Variants in COL4A5 observed in about 807,000 individuals in gnomAD.
The protein encoded by COL4A5 is collagen alpha-5(IV) chain.
COL4A5 carries 26 observed loss-of-function variants against 130.2 expected under a neutral mutation model. That is an observed-to-expected ratio of 0.20 (90% CI 0.15 to 0.28). The LOEUF is 0.28. Ranked by LOEUF, COL4A5 falls within the 10% of genes least tolerant of loss-of-function variation. COL4A5 has a pLI of 1.00. For synonymous variants in COL4A5, 496 were observed against 439.6 expected (o/e 1.13, Z -1.60); for missense variants, 1,131 against 1,344.3 (o/e 0.84, Z 2.48).
chrX:108,526,959 G>A, intron 1 of COL4A5, among the ~76,000 whole-genome samples: 1 of 107,315 alleles, frequency 9.3e-6, no homozygotes, highest in Middle Eastern at 4.8e-3. Flanking sequence ...TGTAGAGATA[G>A]GGATCTCATC....
chrX:108,538,342 T>C (rs2065484769), intron 1 of COL4A5, among the ~76,000 whole-genome samples: 1 of 112,187 alleles, frequency 8.9e-6, no homozygotes, highest in African/African-American at 3.2e-5. Flanking sequence ...TAATAAATAA[T>C]AGCGGCATAG....
chrX:108,510,487 T>C (rs1000875454), intron 1 of COL4A5, among the ~76,000 whole-genome samples: 1 of 110,663 alleles, frequency 9.0e-6, no homozygotes, highest in African/African-American at 3.3e-5. Context: ...ATTGTGCTTT[T>C]TAAGGCCAGA....
At chrX:108,557,318 T>A (rs2065836631) in intron 2 of COL4A5, among the ~76,000 whole-genome samples, 1 of 111,941 alleles carries the variant, frequency 8.9e-6, no homozygotes, top group Non-Finnish European at 1.9e-5. Flanking sequence ...AATTTCTTCC[T>A]CTTGTTTTAT....
chrX:108,564,277 C>T (rs1677064551), intron 4 of COL4A5, among the ~76,000 whole-genome samples: 1 of 111,634 alleles, frequency 9.0e-6, no homozygotes, highest in Admixed American at 9.5e-5. Flanking sequence ...GTGATTATCT[C>T]AGCCTAGGTC....
chrX:108,697,074 A>C lies in COL4A5; in HGVS notation c.*696A>C, dbSNP rs2068747546. On this transcript the variant is annotated 3_prime_UTR_variant, in exon 53 of 53. Transcript: ENST00000328300. ...TGTTTTGATTTTTTTTAAAAAACAA[A>C]CCCTTTTAGTCACTTTAATCAGAAT... The C allele has an allele frequency of 9.0e-6, 1 of 111,476 alleles. No individual in the cohort carries two copies. Among genetic ancestry groups the C allele is most frequent in the Admixed American group, 9.6e-5 (1 of 10,441 alleles). 9.2% of individuals were successfully genotyped at this position (111,476 alleles called of 1,213,427 possible).
intron 42 of COL4A5, among the ~76,000 whole-genome samples, chrX:108,672,279 C>T (rs1444853995): frequency 8.9e-6 from 1 of 112,061 alleles, no homozygotes; most frequent in African/African-American, 3.2e-5. Flanking sequence ...AGAATTTTGC[C>T]ACTTTGATTA....
chrX:108,473,631 A>ATGTTTTTT (rs1406126217), intron 1 of COL4A5, among the ~76,000 whole-genome samples: 1 of 26,471 alleles, frequency 3.8e-5, no homozygotes, highest in East Asian at 5.1e-4. Context: ...ATATATATAT[A>ATGTTTTTT]TATTTTTTTT....
At chrX:108,507,786 C>T (rs901809404) in intron 1 of COL4A5, among the ~76,000 whole-genome samples, 9 of 111,471 alleles carry the variant, frequency 8.1e-5, no homozygotes, top group African/African-American at 2.6e-4. Context: ...CCAGCCTGGG[C>T]GACAGAGCGA....
At chrX:108,635,250 A>G (rs61480030) in intron 36 of COL4A5, among the ~76,000 whole-genome samples, 11,456 of 110,357 alleles carry the variant, frequency 0.1, 1,301 homozygotes, top group African/African-American at 0.34. Context: ...TTTTGTAGTT[A>G]TTGTGAGGTT....
intron 2 of COL4A5, among the ~76,000 whole-genome samples, chrX:108,553,983 C>G (rs2065787311): frequency 8.9e-6 from 1 of 111,782 alleles, no homozygotes; most frequent in Non-Finnish European, 1.9e-5. Flanking sequence ...AGAGTACATT[C>G]TTTATAATTC....
At chrX:108,627,391 T>C (rs778376229) in intron 36 of COL4A5, 3 of 724,877 alleles carry the variant, frequency 4.1e-6, no homozygotes, top group East Asian at 1.5e-4. Context: ...TTTATATATA[T>C]GCATATAGAG....
At chrX:108,518,183 A>G (rs776847272) in intron 1 of COL4A5, among the ~76,000 whole-genome samples, 1 of 111,360 alleles carries the variant, frequency 9.0e-6, no homozygotes, top group Non-Finnish European at 1.9e-5. Context: ...ATTTTCTAAT[A>G]TAGAAATCTC....
chrX:108,565,742 A>G (rs2147738769), intron 4 of COL4A5, among the ~76,000 whole-genome samples: 1 of 111,541 alleles, frequency 9.0e-6, no homozygotes, highest in East Asian at 2.8e-4. Context: ...TTGTTTCCTC[A>G]TGATGTCATT....
chrX:108,679,054 CAT>C (rs1326467695), intron 44 of COL4A5, among the ~76,000 whole-genome samples: 2 of 112,112 alleles, frequency 1.8e-5, no homozygotes, highest in African/African-American at 6.5e-5. Flanking sequence ...TGGAATACTA[CAT>C]GAGTGGTTCT....
At chrX:108,655,820 A>G (rs1232051891) in intron 37 of COL4A5, among the ~76,000 whole-genome samples, 1 of 112,732 alleles carries the variant, frequency 8.9e-6, no homozygotes, top group Non-Finnish European at 1.9e-5. Flanking sequence ...AGGTATGCCC[A>G]GGCACACCGC....
At position 108,677,545 on chromosome X, in the gene COL4A5, G is replaced by A; in HGVS notation, c.3854G>A (p.Gly1285Asp). Residue 1285 changes from glycine to aspartate, a missense_variant, in exon 44 of 53, where the codon GGT (glycine) becomes GAT (aspartate). Transcript: ENST00000328300. ...EGPPGLPGNG[G>D]IKGEKGNPGQ... ...CCTCCAGGTCTCCCTGGAAATGGAG[G>A]TATTAAAGGAGAGAAGGGAAATCCA... 1 of 1,209,869 alleles carries A rather than the reference G, an allele frequency of 8.3e-7. No individual in the cohort carries two copies. Among genetic ancestry groups the A allele is most frequent in the Non-Finnish European group, 1.1e-6 (1 of 893,766 alleles).
At chrX:108,569,338 A>G (rs772026782) in intron 6 of COL4A5, among the ~76,000 whole-genome samples, 2 of 112,410 alleles carry the variant, frequency 1.8e-5, no homozygotes, top group South Asian at 7.4e-4. Flanking sequence ...CTTCTTCATC[A>G]GCAAAGATGA....
intron 22 of COL4A5, among the ~76,000 whole-genome samples, chrX:108,596,590 G>A (rs770392868): frequency 8.9e-6 from 1 of 111,928 alleles, no homozygotes; most frequent in Non-Finnish European, 1.9e-5. Flanking sequence ...GAAAGGACTG[G>A]TAAGGATCTA....
chrX:108,605,269 C>A (rs1412421227), intron 28 of COL4A5, among the ~76,000 whole-genome samples: 1 of 111,744 alleles, frequency 8.9e-6, no homozygotes, highest in Non-Finnish European at 1.9e-5. Flanking sequence ...CTCTTTCTTT[C>A]ACTTGAACAC....
Sources: allele counts gnomAD v4.1 joint callset (sites outside exome capture counted in the v4.1 genomes callset), GRCh38; gene constraint gnomAD v4.1.1; transcripts MANE v1.5; gene names NCBI Gene and HGNC (gene_info 2026-07-23, HGNC 2026-07-21).